UBE2O: variants seen among roughly 807,000 people sequenced by gnomAD.
UBE2O encodes the protein ubiquitin conjugating enzyme E2 O, also known as (E3-independent) E2 ubiquitin-conjugating enzyme.
Under a neutral mutation model 125.8 loss-of-function variants are expected in UBE2O, and 15 were observed. The observed-to-expected ratio is 0.12, with a 90% CI of 0.08 to 0.18. The LOEUF is 0.18. UBE2O is among the 10% of genes least tolerant of loss of function. The probability of loss-of-function intolerance (pLI) is 1.00; values close to 1 mark genes in which losing one functional copy is unlikely to be tolerated. For missense variants in UBE2O, 1,280 were observed against 1,723.6 expected (o/e 0.74, Z 4.56); for synonymous variants, 708 against 703.2 (o/e 1.01, Z -0.11).
chr17:76,439,234 T>C (rs1456004006), intron 1 of UBE2O, among the ~76,000 whole-genome samples: 1 of 152,208 alleles, frequency 6.6e-6, no homozygotes, highest in Admixed American at 6.5e-5. Flanking sequence ...CTCCAGTGAC[T>C]GTGCCTAGAA....
chr17:76,411,516 C>A (rs943822689), intron 1 of UBE2O, among the ~76,000 whole-genome samples: 1 of 152,236 alleles, frequency 6.6e-6, no homozygotes, highest in African/African-American at 2.4e-5. Flanking sequence ...CTGCATGGAG[C>A]CTAAGCACTT....
intron 1 of UBE2O, among the ~76,000 whole-genome samples, chr17:76,419,853 C>T (rs1228535705): frequency 1.3e-5 from 2 of 152,242 alleles, no homozygotes; most frequent in African/African-American, 4.8e-5. Flanking sequence ...AAGCGTGGCT[C>T]TACCCACGCG....
At chr17:76,446,261 A>G (rs1292946304) in intron 1 of UBE2O, among the ~76,000 whole-genome samples, 1 of 152,126 alleles carries the variant, frequency 6.6e-6, no homozygotes, top group African/African-American at 2.4e-5. Flanking sequence ...GGGACCGACC[A>G]CCAGCGGCAG....
At position 76,452,686 on chromosome 17, in the gene UBE2O, C is replaced by A. The variant is rs766428225; in HGVS notation, c.417+39G>T. On this transcript the variant is annotated intron_variant, in intron 1 of 17. Transcript: ENST00000319380. The surrounding 1 kb of genome is among the most constrained non-coding windows in gnomAD (Gnocchi z 4.4). ...CCCTGGCCTCGGCCCGGCCGCCGACCCCCTGCCGCCCGCGCCGCCCAGCCC... is the reference window on the plus strand; with the variant it reads ...CCCTGGCCTCGGCCCGGCCGCCGACACCCTGCCGCCCGCGCCGCCCAGCCC... 3 of 1,348,406 alleles carry A rather than the reference C, an allele frequency of 2.2e-6. No individual in the cohort carries two copies. The highest frequency in any genetic ancestry group is 4.1e-5 in the Admixed American group (1 of 24,360). 83.5% of individuals were successfully genotyped at this position (1,348,406 alleles called of 1,614,324 possible).
In UBE2O at chr17:76,401,002, C is replaced by G; in HGVS notation, c.894+9G>C. ...GGACTCCATCTCCTACCCTTGGGCC[C>G]GGACCCACCTCTTCCACCACCACTC... is the stretch of plus-strand genomic sequence containing the variant. On this transcript the variant is annotated intron_variant, in intron 6 of 17. Coordinates refer to ENST00000319380, the MANE Select transcript of UBE2O (RefSeq NM_022066.4). The G allele has an allele frequency of 6.2e-7, 1 of 1,613,530 alleles. No homozygotes were observed. The highest frequency in any genetic ancestry group is 8.5e-7 in the Non-Finnish European group (1 of 1,179,946).
In UBE2O at chr17:76,400,392, C is replaced by A. The variant is rs1219113912; in HGVS notation, c.1004+49G>T. ...CCAGGCATGTGACCAGGGCCCAGAG[C>A]CCTGTCCCACGCGTGCCCCTGGGTT... On this transcript the variant is annotated intron_variant, in intron 7 of 17. Coordinates refer to ENST00000319380, the MANE Select transcript of UBE2O (RefSeq NM_022066.4). This position sits in a 1 kb window ranked among gnomAD's most constrained non-coding sequence, Gnocchi z 4.3. 6.3e-7 allele frequency: 1 copy of A among 1,596,170 alleles called. No individual in the cohort carries two copies. Among genetic ancestry groups the A allele is most frequent in the Non-Finnish European group, 8.6e-7 (1 of 1,168,914 alleles).
At chr17:76,448,899 T>C (rs1304459207) in intron 1 of UBE2O, among the ~76,000 whole-genome samples, 2 of 152,262 alleles carry the variant, frequency 1.3e-5, no homozygotes, top group South Asian at 2.1e-4. Context: ...AGGAGATCCA[T>C]GGCCAGATGG....
At position 76,398,688 on chromosome 17, in the gene UBE2O, G is replaced by A; in HGVS notation, c.1784-104C>T. ...CAGAACCCTGACCTTCCCCCGTCTTGGAAGTGGTGAGACCCCTTCATGAGG... is the reference window on the plus strand; with the variant it reads ...CAGAACCCTGACCTTCCCCCGTCTTAGAAGTGGTGAGACCCCTTCATGAGG... On this transcript the variant is annotated intron_variant, in intron 10 of 17. Coordinates refer to ENST00000319380, the MANE Select transcript of UBE2O (RefSeq NM_022066.4). The surrounding 1 kb of genome is among the most constrained non-coding windows in gnomAD (Gnocchi z 5.4). The A allele has an allele frequency of 6.9e-7, 1 of 1,459,124 alleles. No homozygotes were observed. The highest frequency in any genetic ancestry group is 9.5e-7 in the Non-Finnish European group (1 of 1,057,652). 90.4% of individuals were successfully genotyped at this position (1,459,124 alleles called of 1,614,324 possible). A position where few individuals can be genotyped will look rare whatever the true frequency, so the allele number is the denominator to read the frequency against.
In UBE2O at chr17:76,402,470, T is replaced by G; in HGVS notation, c.686+132A>C. 1.3e-6 allele frequency: 1 copy of G among 796,060 alleles called. No individual in the cohort carries two copies. Among genetic ancestry groups the G allele is most frequent in the Admixed American group, 1.9e-5 (1 of 52,266 alleles). The allele number at this position is 796,060 out of a possible 1,614,324, so 49.3% of individuals were successfully genotyped here. Reference sequence around the variant, plus strand: ...GAACGGTACAGGGTTAGGCCCTGGATGCCTGCAACATCTGTCACTGCCCTT... The same window carrying G: ...GAACGGTACAGGGTTAGGCCCTGGAGGCCTGCAACATCTGTCACTGCCCTT... On this transcript the variant is annotated intron_variant, in intron 4 of 17. Transcript: ENST00000319380. This position sits in a 1 kb window ranked among gnomAD's most constrained non-coding sequence, Gnocchi z 5.4.
At chr17:76,418,091 C>T (rs1293779301) in intron 1 of UBE2O, among the ~76,000 whole-genome samples, 1 of 152,124 alleles carries the variant, frequency 6.6e-6, no homozygotes, top group Non-Finnish European at 1.5e-5. Context: ...TACACCCAGT[C>T]CCACCCTGGG....
At chr17:76,425,225 CAAAAAAAAAA>C (rs58377572) in intron 1 of UBE2O, among the ~76,000 whole-genome samples, 4,934 of 95,238 alleles carry the variant, frequency 0.052, 107 homozygotes, top group African/African-American at 0.096. Context: ...GTCCTTTCGA[CAAAAAAAAAA>C]AAAAAAAAAA....
At position 76,427,532 on chromosome 17, in the gene UBE2O, T is replaced by C. The variant is rs1353274196; in HGVS notation, c.418-21960A>G. On this transcript the variant is annotated intron_variant, in intron 1 of 17. Transcript: ENST00000319380. ...TTCTAATTTCTACATGCTTGGTAAT[T>C]TCCTAGAACAAGCTCATCATCTGTG... is the stretch of plus-strand genomic sequence containing the variant. 2.6e-5 allele frequency among the ~76,000 whole-genome samples: 4 copies of C among 152,206 alleles called. No individual in the cohort carries two copies. The East Asian group carries it at 7.7e-4, about 29-fold the overall frequency.
intron 1 of UBE2O, among the ~76,000 whole-genome samples, chr17:76,451,577 T>C (rs753707427): frequency 1.3e-5 from 2 of 152,170 alleles, no homozygotes; most frequent in East Asian, 1.9e-4. Flanking sequence ...GCTTTGTAGT[T>C]TGACATGAAA....
At position 76,404,793 on chromosome 17, in the gene UBE2O, G is replaced by A. The variant is rs1424292577; in HGVS notation, c.588+413C>T. Reference sequence around the variant, plus strand: ...GAGGGGGATCTCGGGGAAAAGGAGGGAGGGAAGGTGATGGAGCAAACGAAG... The same window carrying A: ...GAGGGGGATCTCGGGGAAAAGGAGGAAGGGAAGGTGATGGAGCAAACGAAG... On this transcript the variant is annotated intron_variant, in intron 3 of 17. Coordinates refer to ENST00000319380, the MANE Select transcript of UBE2O (RefSeq NM_022066.4). This position sits in a 1 kb window ranked among gnomAD's most constrained non-coding sequence, Gnocchi z 4.3. Among the ~76,000 whole-genome samples the A allele has an allele frequency of 6.6e-6, 1 of 152,150 alleles. No homozygotes were observed. The highest frequency in any genetic ancestry group is 2.4e-5 in the African/African-American group (1 of 41,428).
At chr17:76,414,170 C>T (rs2072560932) in intron 1 of UBE2O, among the ~76,000 whole-genome samples, 1 of 152,148 alleles carries the variant, frequency 6.6e-6, no homozygotes, top group African/African-American at 2.4e-5. Flanking sequence ...CCGGAAATGG[C>T]TGGAAGTAAA....
intron 1 of UBE2O, among the ~76,000 whole-genome samples, chr17:76,442,699 G>A (rs546870800): frequency 1.4e-4 from 21 of 152,348 alleles, no homozygotes; most frequent in African/African-American, 4.8e-4. Flanking sequence ...AGCAGGATGT[G>A]TAGGTGAGGG....
chr17:76,440,786 C>A (rs1214971975), intron 1 of UBE2O, among the ~76,000 whole-genome samples: 4 of 152,244 alleles, frequency 2.6e-5, no homozygotes, highest in Admixed American at 2.0e-4. Context: ...CATTTGCTTA[C>A]TGCCTCTGAA....
At chr17:76,397,441 C>CTCCTT (rs2072233150) in intron 13 of UBE2O, among the ~76,000 whole-genome samples, 1 of 152,228 alleles carries the variant, frequency 6.6e-6, no homozygotes, top group African/African-American at 2.4e-5. Flanking sequence ...TCTCCTTTCT[C>CTCCTT]TCCTTCTCTG....
chr17:76,439,935 C>T (rs568583036), intron 1 of UBE2O, among the ~76,000 whole-genome samples: 5 of 152,366 alleles, frequency 3.3e-5, no homozygotes, highest in African/African-American at 1.2e-4. Flanking sequence ...ACTAATTCCA[C>T]TCATTCGCAT....
Sources: allele counts gnomAD v4.1 joint callset (sites outside exome capture counted in the v4.1 genomes callset), GRCh38; gene constraint gnomAD v4.1.1; non-coding constraint Gnocchi (gnomAD v3.1); transcripts MANE v1.5; gene names NCBI Gene and HGNC (gene_info 2026-07-23, HGNC 2026-07-21).